The following PCDHGA9 variants were observed in gnomAD, a reference collection of about 807,000 sequenced individuals.
PCDHGA9 encodes protocadherin gamma subfamily A, 9.
Under a neutral mutation model 62.5 loss-of-function variants are expected in PCDHGA9, and 37 were observed. The ratio of observed to expected loss-of-function variants is 0.59; its 90% confidence interval spans 0.46 to 0.78. The LOEUF is 0.78. Ranked by LOEUF, PCDHGA9 falls within the 30% of genes least tolerant of loss-of-function variation. The probability of loss-of-function intolerance (pLI) is 0.00; values close to 1 mark genes in which losing one functional copy is unlikely to be tolerated. For synonymous variants in PCDHGA9, 459 were observed against 484.6 expected, an observed-to-expected ratio of 0.95 and a Z score of 0.69; for missense variants, 1,138 against 1,166.2, an observed-to-expected ratio of 0.98 and a Z score of 0.35.
chr5:141,417,034 T>C (rs1408752235), intron 1 of PCDHGA9: 1 of 151,548 alleles, frequency 6.6e-6, no homozygotes, highest in Non-Finnish European at 1.5e-5. Context: ...ACAGGTTTTT[T>C]TTTTAAAAAA....
intron 1 of PCDHGA9, among the ~76,000 whole-genome samples, chr5:141,446,714 G>T (rs193229261): frequency 2.6e-5 from 4 of 152,044 alleles, no homozygotes; most frequent in African/African-American, 9.7e-5. Flanking sequence ...TGATCTGCCC[G>T]CCTCGGCCTC....
intron 1 of PCDHGA9, among the ~76,000 whole-genome samples, chr5:141,464,630 T>C (rs981288560): frequency 1.3e-5 from 2 of 152,176 alleles, no homozygotes; most frequent in African/African-American, 4.8e-5. Context: ...AGCTTTTTAA[T>C]TGTTGCCAAC....
Position 141,477,412 on chromosome 5 carries a change from C to T in PCDHGA9, c.2425-17395C>T. 6 of 1,614,168 alleles carry T rather than the reference C, an allele frequency of 3.7e-6. No individual in the cohort carries two copies. The highest frequency in any genetic ancestry group is 1.1e-5 in the South Asian group (1 of 91,082). On this transcript the variant is annotated intron_variant, in intron 1 of 3. Coordinates refer to ENST00000573521, the MANE Select transcript of PCDHGA9 (RefSeq NM_018921.3). This position sits in a 1 kb window ranked among gnomAD's most constrained non-coding sequence, Gnocchi z 4.9. ...ACCTCAGCATCACCGCCCGAGACGC[C>T]GGAACCCCTTCCCTCTCAGCCCTTA... is the stretch of plus-strand genomic sequence containing the variant.
Position 141,403,732 on chromosome 5 carries a change from G to A in PCDHGA9, c.780G>A (p.Trp260Ter), listed in dbSNP as rs1472288445. ...KVLENVPPGTWLLTATASDLD... is the reference protein window; with the variant it reads ...KVLENVPPGT ...TTGAGAACGTGCCCCCAGGCACCTG[G>A]CTGCTTACTGCAACAGCCAGCGACC... is the stretch of plus-strand genomic sequence containing the variant. The change falls in exon 1 of 4, where the codon TGG becomes TGA. Residue 260 changes from tryptophan (W) to a stop codon, truncating the protein, a stop_gained. Coordinates refer to ENST00000573521, the MANE Select transcript of PCDHGA9 (RefSeq NM_018921.3). LOFTEE classifies it high-confidence loss of function. 1.2e-6 allele frequency: 2 copies of A among 1,613,932 alleles called. No homozygotes were observed. Among genetic ancestry groups the A allele is most frequent in the Non-Finnish European group, 1.7e-6 (2 of 1,179,890 alleles).
At chr5:141,478,723 A>C in intron 1 of PCDHGA9, 16 of 1,543,220 alleles carry the variant, frequency 1.0e-5, no homozygotes, top group Non-Finnish European at 1.3e-5. Flanking sequence ...GTGGCCTGCC[A>C]GAGTGTGGTT....
intron 1 of PCDHGA9, chr5:141,415,978 C>A: frequency 5.7e-6 from 2 of 353,430 alleles, no homozygotes; most frequent in Non-Finnish European, 9.4e-6. Flanking sequence ...CTTAAGCAAC[C>A]CTCTTGTTCT....
At position 141,485,437 on chromosome 5, in the gene PCDHGA9, C is replaced by A. The variant is rs2099613420; in HGVS notation, c.2425-9370C>A. The A allele has an allele frequency of 6.2e-7, 1 of 1,614,174 alleles. No individual in the cohort carries two copies. Among genetic ancestry groups the A allele is most frequent in the Non-Finnish European group, 8.5e-7 (1 of 1,180,028 alleles). On this transcript the variant is annotated intron_variant, in intron 1 of 3. Transcript: ENST00000573521. The surrounding 1 kb of genome is among the most constrained non-coding windows in gnomAD (Gnocchi z 5.7). ...ACAGCGGAGCCCTGCTCATCAAGAA[C>A]CCAATCGACCGAGAGGCACTGTGTG...
At chr5:141,500,930 G>A (rs1300719832) in intron 2 of PCDHGA9, among the ~76,000 whole-genome samples, 4 of 151,824 alleles carry the variant, frequency 2.6e-5, no homozygotes, top group Admixed American at 6.6e-5. Context: ...GTGCAGTGGC[G>A]CCATCTCGGC....
rs1404447940 is a variant in PCDHGA9 at position 141,428,036 on chromosome 5, C to T, written c.2424+22660C>T. On this transcript the variant is annotated intron_variant, in intron 1 of 3. Transcript: ENST00000573521. ...TGCCACGCGCCGCAGAGTCCGGCTA[C>T]CTGGTGACCAAGGTGGTGGCGGTGG... The T allele has an allele frequency of 3.7e-6, 6 of 1,608,246 alleles. No homozygotes were observed. The African/African-American group carries it at 4.0e-5, about 11-fold the overall frequency.
chr5:141,418,497 CCG>C, intron 1 of PCDHGA9: 1 of 1,613,994 alleles, frequency 6.2e-7, no homozygotes, highest in Non-Finnish European at 8.5e-7. Flanking sequence ...TTGGTACTGA[CCG>C]CCTTAGATGG....
intron 2 of PCDHGA9, among the ~76,000 whole-genome samples, chr5:141,502,472 A>G (rs1450967250): frequency 1.3e-5 from 2 of 150,886 alleles, no homozygotes; most frequent in Non-Finnish European, 2.9e-5. Flanking sequence ...TACTTCCCGC[A>G]GCATCACACT....
At position 141,404,272 on chromosome 5, in the gene PCDHGA9, G is replaced by A. The variant is rs2094505108; in HGVS notation, c.1320G>A (p.Leu440=). 6.2e-7 allele frequency: 1 copy of A among 1,613,834 alleles called. No individual in the cohort carries two copies. Among genetic ancestry groups the A allele is most frequent in the Non-Finnish European group, 8.5e-7 (1 of 1,179,902 alleles). Residue 440 remains leucine (L), a synonymous_variant, in exon 1 of 4, where the codon CTG becomes CTA. Transcript: ENST00000573521. ...TGTCCACAGAAATTCACATCACCCT[G>A]CAAGTGACTGACATCAATGATAATC... is the stretch of plus-strand genomic sequence containing the variant. ...PPLSTEIHIT[L]QVTDINDNPP...
intron 2 of PCDHGA9, among the ~76,000 whole-genome samples, chr5:141,503,398 C>A (rs1374324008): frequency 6.6e-6 from 1 of 151,784 alleles, no homozygotes; most frequent in African/African-American, 2.4e-5. Flanking sequence ...AGTTCGAAAC[C>A]AACCTGGCCA....
In PCDHGA9 at chr5:141,432,460, C is replaced by T; in HGVS notation, c.2424+27084C>T. The T allele has an allele frequency of 6.2e-7, 1 of 1,614,208 alleles. No homozygotes were observed. The highest frequency in any genetic ancestry group is 8.5e-7 in the Non-Finnish European group (1 of 1,180,044). On this transcript the variant is annotated intron_variant, in intron 1 of 3. Transcript: ENST00000573521. This position sits in a 1 kb window ranked among gnomAD's most constrained non-coding sequence, Gnocchi z 6.0. ...CGCCCGAGATCCTGTACCCCGCCCTCCCCACGGACGGTTCCACTGGCGTGG... is the reference window on the plus strand; with the variant it reads ...CGCCCGAGATCCTGTACCCCGCCCTTCCCACGGACGGTTCCACTGGCGTGG...
At chr5:141,421,965 C>A in intron 1 of PCDHGA9, 1 of 1,610,360 alleles carries the variant, frequency 6.2e-7, no homozygotes, top group Non-Finnish European at 8.5e-7. Context: ...TTACACAGTC[C>A]GTATATCGCG....
rs2096779089 is a variant in PCDHGA9, at chr5:141,423,760, G to GA, written c.2424+18384_2424+18385insA. On this transcript the variant is annotated intron_variant, in intron 1 of 3. Transcript: ENST00000573521. ...GTTATGAAAACTGTTTGGGGGGGGG[G>GA]TGGGGCGGCATATATTTAGTTCATA... 1.1e-5 allele frequency: 3 copies of GA among 279,664 alleles called. 1 individual carries two copies. Among genetic ancestry groups the GA allele is most frequent in the African/African-American group, 6.7e-5 (2 of 29,702 alleles). The allele number at this position is 279,664 out of a possible 1,614,324, so 17.3% of individuals were successfully genotyped here.
In PCDHGA9 at chr5:141,405,105, A is replaced by T. The variant is rs1239308721; in HGVS notation, c.2153A>T (p.His718Leu). The T allele has an allele frequency of 5.6e-6, 9 of 1,613,756 alleles. No individual in the cohort carries two copies. In the Admixed American group the frequency reaches 1.5e-4, roughly 27 times the overall value. ...VITLLALRLR[H>L]WHSSHLLRAT... Reference sequence around the variant, plus strand: ...ACGCTGCTGGCCCTCAGGCTGAGGCACTGGCACTCCTCGCATCTGCTGCGG... The same window carrying T: ...ACGCTGCTGGCCCTCAGGCTGAGGCTCTGGCACTCCTCGCATCTGCTGCGG... The change falls in exon 1 of 4, where the codon CAC becomes CTC. Residue 718 changes from histidine (H) to leucine (L), a missense_variant. Coordinates refer to ENST00000573521, the MANE Select transcript of PCDHGA9 (RefSeq NM_018921.3).
chr5:141,490,736 A>G lies in PCDHGA9; in HGVS notation c.2425-4071A>G, dbSNP rs747567176. The G allele has an allele frequency of 5.0e-6, 8 of 1,614,084 alleles. No individual in the cohort carries two copies. Among genetic ancestry groups the G allele is most frequent in the Non-Finnish European group, 6.8e-6 (8 of 1,180,034 alleles). On this transcript the variant is annotated intron_variant, in intron 1 of 3. Transcript: ENST00000573521. This position sits in a 1 kb window ranked among gnomAD's most constrained non-coding sequence, Gnocchi z 5.4. The stretch of plus-strand genomic sequence containing the variant: ...TACTCCATTGTAGGAAATCAGGTTC[A>G]GGGAGCCCCAGCCTCCTCCTTTGTG...
At chr5:141,478,173 A>G (rs1397071220) in intron 1 of PCDHGA9, 1 of 1,613,986 alleles carries the variant, frequency 6.2e-7, no homozygotes, top group Non-Finnish European at 8.5e-7. Flanking sequence ...CCCCGGGAGC[A>G]GAAAAAAAAT....
Sources: allele counts gnomAD v4.1 joint callset (sites outside exome capture counted in the v4.1 genomes callset), GRCh38; gene constraint gnomAD v4.1.1; non-coding constraint Gnocchi (gnomAD v3.1); transcripts MANE v1.5; gene names NCBI Gene and HGNC (gene_info 2026-07-23, HGNC 2026-07-21).